BTRC: variants seen among roughly 807,000 people sequenced by gnomAD.
The protein encoded by BTRC is beta-transducin repeat containing E3 ubiquitin protein ligase.
BTRC carries 42 observed loss-of-function variants against 85.5 expected under a neutral mutation model. That is an observed-to-expected ratio of 0.49 (90% confidence interval 0.38 to 0.64). BTRC has a LOEUF of 0.64. Ranked by LOEUF, BTRC falls within the 30% of genes least tolerant of loss-of-function variation. BTRC has a pLI of 0.00. For synonymous variants in BTRC, 255 were observed against 263.3 expected (o/e 0.97, Z 0.30); for missense variants, 594 against 743.5 (o/e 0.80, Z 2.34).
chr10:101,369,519 A>G (rs961114912), intron 1 of BTRC, among the ~76,000 whole-genome samples: 1 of 152,098 alleles, frequency 6.6e-6, no homozygotes, highest in Non-Finnish European at 1.5e-5. Flanking sequence ...GGCTCTTCTT[A>G]TACTTTTTTT....
chr10:101,392,886 G>A (rs1294530170), intron 1 of BTRC, among the ~76,000 whole-genome samples: 2 of 152,158 alleles, frequency 1.3e-5, no homozygotes, highest in Non-Finnish European at 2.9e-5. Flanking sequence ...TTCATCCATG[G>A]TCCTGGTTCA....
intron 1 of BTRC, among the ~76,000 whole-genome samples, chr10:101,418,726 G>T (rs1186001841): frequency 1.3e-5 from 2 of 151,184 alleles, no homozygotes; most frequent in Admixed American, 6.6e-5. Flanking sequence ...TTTATTCTGG[G>T]GTACATGTGC....
chr10:101,532,184 G>A, intron 7 of BTRC, 111 bp from the exon 8 acceptor site: 1 of 1,144,706 alleles, frequency 8.7e-7, no homozygotes, highest in Middle Eastern at 2.9e-4. Flanking sequence ...TCCCTAAGTT[G>A]TGTATATCCC....
At chr10:101,527,849 T>C (rs1413618755) in intron 6 of BTRC, among the ~76,000 whole-genome samples, 2 of 152,102 alleles carry the variant, frequency 1.3e-5, no homozygotes, top group Admixed American at 6.6e-5. Context: ...TTCTCAAATA[T>C]GTTTTTTAAT....
At position 101,404,030 on chromosome 10, in the gene BTRC, A is replaced by ATAT. The variant is rs1232082481; in HGVS notation, c.49-26314_49-26313insATT. 5.5e-3 allele frequency among the ~76,000 whole-genome samples: 139 copies of ATAT among 25,446 alleles called. 8 individuals carry two copies. The highest frequency in any genetic ancestry group is 0.026 in the South Asian group (10 of 382). The allele number at this position is 25,446 out of a possible 152,430, so 16.7% of individuals were successfully genotyped here. ...TATATATATATATATATATATATAT[A>ATAT]TTTTTTTTTTTTTTTTTTTGAGACA... On this transcript the variant is annotated intron_variant, in intron 1 of 14. Coordinates refer to ENST00000370187, the MANE Select transcript of BTRC (RefSeq NM_033637.4).
rs1447022356 is a variant in BTRC at position 101,366,907 on chromosome 10, TTAA to T, written c.48+12682_48+12684del. Among the ~76,000 whole-genome samples, 6 of 28,588 alleles carry T rather than the reference TTAA, an allele frequency of 2.1e-4. No individual in the cohort carries two copies. In the East Asian group the frequency reaches 6.5e-3, roughly 31 times the overall value. The allele number at this position is 28,588 out of a possible 152,430, so 18.8% of individuals were successfully genotyped here. ...ATATATTTATATATATTTATATATA[TTAA>T]TATATATTTATATATATTTATATAT... is the stretch of plus-strand genomic sequence containing the variant. On this transcript the variant is annotated intron_variant, in intron 1 of 14. Transcript: ENST00000370187.
intron 1 of BTRC, among the ~76,000 whole-genome samples, chr10:101,375,436 A>C (rs920169689): frequency 2.0e-5 from 3 of 152,194 alleles, no homozygotes; most frequent in Admixed American, 1.3e-4. Context: ...ACCGTGAGCC[A>C]ATGAAACCTC....
chr10:101,360,737 T>G (rs1191580225), intron 1 of BTRC, among the ~76,000 whole-genome samples: 3 of 152,176 alleles, frequency 2.0e-5, no homozygotes, highest in Non-Finnish European at 4.4e-5. Flanking sequence ...GGTTAAGTGA[T>G]CTTTGTGCCT....
chr10:101,403,676 G>A (rs978272231), intron 1 of BTRC, among the ~76,000 whole-genome samples: 3 of 151,854 alleles, frequency 2.0e-5, no homozygotes, highest in Non-Finnish European at 2.9e-5. Flanking sequence ...CTGCAGCCTC[G>A]ACCTCTCAGG....
At chr10:101,424,972 A>G (rs1388424270) in intron 1 of BTRC, among the ~76,000 whole-genome samples, 1 of 152,160 alleles carries the variant, frequency 6.6e-6, no homozygotes, top group South Asian at 2.1e-4. Flanking sequence ...CACCTTTTGT[A>G]TTCCTCAGTG....
chr10:101,461,866 T>C, intron 2 of BTRC, 115 bp from the exon 3 acceptor site: 1 of 705,376 alleles, frequency 1.4e-6, no homozygotes, highest in Non-Finnish European at 2.3e-6. Flanking sequence ...AAGTGAATAA[T>C]TGTATAAATA....
At chr10:101,475,921 C>CCATATATA (rs1945666980) in intron 3 of BTRC, among the ~76,000 whole-genome samples, 1 of 12,216 alleles carries the variant, frequency 8.2e-5, no homozygotes, top group Non-Finnish European at 1.7e-4. Context: ...AAGTATTTTG[C>CCATATATA]CATATATATA....
chr10:101,360,050 C>CTT (rs71472566), intron 1 of BTRC, among the ~76,000 whole-genome samples: 3 of 151,812 alleles, frequency 2.0e-5, no homozygotes, highest in South Asian at 2.1e-4. Context: ...AAAGAGATCT[C>CTT]TTTTTTTTAA....
At position 101,534,795 on chromosome 10, in the gene BTRC, C is replaced by G. The variant is rs1451434000; in HGVS notation, c.1232C>G (p.Ala411Gly). The G allele has an allele frequency of 1.9e-6, 3 of 1,614,026 alleles. No individual in the cohort carries two copies. The highest frequency in any genetic ancestry group is 2.5e-6 in the Non-Finnish European group (3 of 1,180,040). The part of the protein sequence containing the change: ...KDRSIAVWDM[A>G]SPTDITLRRV... ...CGTTCCATTGCTGTATGGGATATGGCCTCCCCAACTGACATTACCCTCCGG... is the reference window on the plus strand; with the variant it reads ...CGTTCCATTGCTGTATGGGATATGGGCTCCCCAACTGACATTACCCTCCGG... Residue 411 changes from alanine (A) to glycine (G), a missense_variant, in exon 10 of 15, where the codon GCC (alanine) becomes GGC (glycine). Around this residue, in one of 4 missense-constraint regions of BTRC, gnomAD observed 373 missense variants for 503.6 expected, o/e 0.74. Transcript: ENST00000370187.
chr10:101,505,649 A>AAAC (rs1298155340), intron 4 of BTRC, among the ~76,000 whole-genome samples: 2 of 151,632 alleles, frequency 1.3e-5, no homozygotes, highest in Admixed American at 1.3e-4. Flanking sequence ...AATAATAATA[A>AAAC]AAAAACAAAT....
chr10:101,533,073 A>G lies in BTRC; in HGVS notation c.1097+3A>G. On this transcript the variant is annotated splice_donor_region_variant and intron_variant, in intron 9 of 14. Transcript: ENST00000370187. ...GGATCATCGGATTCCACGGTCAGGTAGAAAATTTCAAATGCTTTTTTGAAC... is the reference window on the plus strand; with the variant it reads ...GGATCATCGGATTCCACGGTCAGGTGGAAAATTTCAAATGCTTTTTTGAAC... The G allele has an allele frequency of 3.1e-6, 5 of 1,596,780 alleles. No individual in the cohort carries two copies. Among genetic ancestry groups the G allele is most frequent in the African/African-American group, 1.3e-5 (1 of 74,626 alleles).
rs1433241030 is a variant in BTRC at position 101,555,007 on chromosome 10, T to C, written c.*1884T>C. The stretch of plus-strand genomic sequence containing the variant: ...CAGAAAATATTTCCCAGTATAATGA[T>C]ACATCGTAGCCTAAGAAATATTTTC... On this transcript the variant is annotated 3_prime_UTR_variant, in exon 15 of 15. Transcript: ENST00000370187. 2 of 152,258 alleles carry C rather than the reference T, an allele frequency of 1.3e-5. No individual in the cohort carries two copies. The highest frequency in any genetic ancestry group is 2.9e-5 in the Non-Finnish European group (2 of 68,044). The allele number at this position is 152,258 out of a possible 1,614,324, so 9.4% of individuals were successfully genotyped here. A position where few individuals can be genotyped will look rare whatever the true frequency, so the allele number is the denominator to read the frequency against.
intron 1 of BTRC, among the ~76,000 whole-genome samples, chr10:101,398,497 G>A (rs931095004): frequency 6.6e-6 from 1 of 152,040 alleles, no homozygotes. Context: ...TAGAGACTGG[G>A]TTTCATCGTG....
chr10:101,381,706 T>G lies in BTRC; in HGVS notation c.48+27478T>G, dbSNP rs572320184. ...GAGAAACACACGATGATAACTCATATATCCCTCACCTGAATTATCTAATTG... is the reference window on the plus strand; with the variant it reads ...GAGAAACACACGATGATAACTCATAGATCCCTCACCTGAATTATCTAATTG... On this transcript the variant is annotated intron_variant, in intron 1 of 14. Transcript: ENST00000370187. Among the ~76,000 whole-genome samples, 243 of 152,288 alleles carry G rather than the reference T, an allele frequency of 1.6e-3. 1 individual carries two copies. Among genetic ancestry groups the G allele is most frequent in the African/African-American group, 5.2e-3 (218 of 41,560 alleles).
Sources: gnomAD v4.1 joint callset for allele counts (sites outside exome capture counted in the v4.1 genomes callset) on GRCh38, gnomAD v4.1.1 for gene constraint, gnomAD v4.1.1 regional missense constraint, MANE v1.5 for transcripts, NCBI Gene and HGNC (gene_info 2026-07-23, HGNC 2026-07-21) for gene names.